TAFA2: variants seen among roughly 807,000 people sequenced by gnomAD.
TAFA2 encodes chemokine-like protein TAFA-2.
TAFA2 carries 7 observed loss-of-function variants against 18.8 expected under a neutral mutation model. The ratio of observed to expected loss-of-function variants is 0.37; its 90% CI spans 0.21 to 0.70. TAFA2 has a LOEUF of 0.70. Ranked by LOEUF, TAFA2 falls within the 30% of genes least tolerant of loss-of-function variation. The pLI, the probability that TAFA2 is intolerant of heterozygous loss-of-function variation, is 0.53. For synonymous variants in TAFA2, 60 were observed against 54.2 expected, an observed-to-expected ratio of 1.11 and a Z score of -0.47; for missense variants, 122 against 158.1, an observed-to-expected ratio of 0.77 and a Z score of 1.23.
chr12:62,188,681 A>G (rs1175296997), intron 1 of TAFA2, among the ~76,000 whole-genome samples: 2 of 152,202 alleles, frequency 1.3e-5, no homozygotes, highest in Non-Finnish European at 2.9e-5. Flanking sequence ...TTTAAAAATG[A>G]TCATCAAAAT....
At chr12:62,173,024 T>C (rs2062488969) in intron 1 of TAFA2, among the ~76,000 whole-genome samples, 2 of 152,148 alleles carry the variant, frequency 1.3e-5, no homozygotes, top group Non-Finnish European at 2.9e-5. Context: ...TGAACTAATA[T>C]ATTAAGGTTC....
intron 2 of TAFA2, among the ~76,000 whole-genome samples, chr12:61,787,083 C>T (rs551090771): frequency 8.6e-4 from 130 of 151,400 alleles, no homozygotes; most frequent in Admixed American, 1.3e-3. Context: ...TTAGATGAAA[C>T]AGCAGAACCC....
chr12:61,732,752 T>C (rs1354367500), intron 4 of TAFA2, among the ~76,000 whole-genome samples: 7 of 151,798 alleles, frequency 4.6e-5, no homozygotes, highest in Non-Finnish European at 8.8e-5. Flanking sequence ...TGTGTGTGTG[T>C]GTGCGTGCGT....
intron 2 of TAFA2, among the ~76,000 whole-genome samples, chr12:61,831,413 C>A (rs1326290684): frequency 1.3e-5 from 2 of 151,926 alleles, no homozygotes; most frequent in Non-Finnish European, 2.9e-5. Flanking sequence ...AAATAAAATC[C>A]TATATCTAAC....
intron 1 of TAFA2, among the ~76,000 whole-genome samples, chr12:61,973,821 T>C (rs980577531): frequency 4.0e-5 from 6 of 151,708 alleles, no homozygotes; most frequent in African/African-American, 1.4e-4. Context: ...ATTGTAATCC[T>C]TGGGGAAGTG....
rs1472187730 is a variant in TAFA2 at position 62,233,044 on chromosome 12, C to T, written c.-130+25719G>A. ...CCAATTGCAAGTCCTCACTATTTGTCCTCCCAGCAATTTCTGCATCTCTTT... is the reference window on the plus strand; with the variant it reads ...CCAATTGCAAGTCCTCACTATTTGTTCTCCCAGCAATTTCTGCATCTCTTT... On this transcript the variant is annotated intron_variant, in intron 1 of 5. Transcript: ENST00000551619. Among the ~76,000 whole-genome samples, 11 of 144,450 alleles carry T rather than the reference C, an allele frequency of 7.6e-5. No homozygotes were observed. In the Admixed American group the frequency reaches 7.6e-4, roughly 10 times the overall value. The allele number at this position is 144,450 out of a possible 152,430, so 94.8% of individuals were successfully genotyped here. A position where few individuals can be genotyped will look rare whatever the true frequency, so the allele number is the denominator to read the frequency against.
At chr12:62,011,264 C>G (rs773484256) in intron 1 of TAFA2, among the ~76,000 whole-genome samples, 12 of 152,030 alleles carry the variant, frequency 7.9e-5, no homozygotes, top group Non-Finnish European at 1.5e-4. Flanking sequence ...CAGTGACCAT[C>G]GAGAGCGGGC....
At chr12:62,238,219 T>C (rs556480569) in intron 1 of TAFA2, among the ~76,000 whole-genome samples, 1 of 152,256 alleles carries the variant, frequency 6.6e-6, no homozygotes, top group Admixed American at 6.5e-5. Context: ...GGTAGAAAAG[T>C]CCATTTCTCT....
chr12:62,006,397 T>C (rs1880551618), intron 1 of TAFA2, among the ~76,000 whole-genome samples: 5 of 152,162 alleles, frequency 3.3e-5, no homozygotes, highest in African/African-American at 9.7e-5. Context: ...AGCAGATGTA[T>C]CTAAAGATCC....
rs539523097 is a variant in TAFA2, at chr12:61,838,262, T to C, written c.106+29058A>G. Among the ~76,000 whole-genome samples the C allele has an allele frequency of 1.3e-4, 20 of 152,138 alleles. No homozygotes were observed. The South Asian group carries it at 3.5e-3, about 27-fold the overall frequency. ...GGGAATCCAGGCAGCATTTCAGTTCTTGTTCCAGTTGATCCAAGGCCTGGA... is the reference window on the plus strand; with the variant it reads ...GGGAATCCAGGCAGCATTTCAGTTCCTGTTCCAGTTGATCCAAGGCCTGGA... On this transcript the variant is annotated intron_variant, in intron 2 of 4. Transcript: ENST00000416284.
At chr12:62,094,811 A>G (rs1397583503) in intron 1 of TAFA2, among the ~76,000 whole-genome samples, 2 of 152,076 alleles carry the variant, frequency 1.3e-5, no homozygotes, top group Non-Finnish European at 2.9e-5. Flanking sequence ...CAGAACAGGA[A>G]CACAGGCAAT....
At chr12:62,006,095 CTT>C (rs1880540972) in intron 1 of TAFA2, among the ~76,000 whole-genome samples, 1 of 152,124 alleles carries the variant, frequency 6.6e-6, no homozygotes, top group South Asian at 2.1e-4. Context: ...TTCAATCTCT[CTT>C]AGATGATTTG....
chr12:62,213,400 T>G (rs1021874556), intron 1 of TAFA2, among the ~76,000 whole-genome samples: 7 of 152,068 alleles, frequency 4.6e-5, no homozygotes, highest in African/African-American at 1.7e-4. Flanking sequence ...ATCCCAGCAT[T>G]TTGGGAGGCC....
intron 1 of TAFA2, among the ~76,000 whole-genome samples, chr12:62,105,243 A>G (rs749443698): frequency 1.3e-4 from 20 of 152,220 alleles, no homozygotes; most frequent in Non-Finnish European, 2.5e-4. Flanking sequence ...TGGTTTCTAA[A>G]CCATTAAATC....
intron 1 of TAFA2, among the ~76,000 whole-genome samples, chr12:62,208,493 C>A (rs1565779675): frequency 1.3e-5 from 2 of 152,020 alleles, no homozygotes; most frequent in South Asian, 4.2e-4. Context: ...AAAAAAGGCT[C>A]TTTATAACAT....
upstream of TAFA2, among the ~76,000 whole-genome samples, chr12:62,195,688 A>G (rs2062645834): frequency 6.6e-6 from 1 of 152,242 alleles, no homozygotes; most frequent in Non-Finnish European, 1.5e-5. Context: ...TAGGCTTAAA[A>G]TATTTAATAA....
At chr12:61,762,924 TCACCTA>T (rs1010540131) in intron 2 of TAFA2, among the ~76,000 whole-genome samples, 9 of 152,010 alleles carry the variant, frequency 5.9e-5, no homozygotes, top group Non-Finnish European at 8.8e-5. Context: ...AAATAAAGCA[TCACCTA>T]CATGCACCAA....
chr12:61,743,894 T>A (rs1429362731), intron 4 of TAFA2, among the ~76,000 whole-genome samples: 1 of 152,110 alleles, frequency 6.6e-6, no homozygotes, highest in African/African-American at 2.4e-5. Flanking sequence ...AATAGGAGGT[T>A]TGCCACTCAC....
chr12:62,039,400 A>G (rs1881698278), intron 1 of TAFA2, among the ~76,000 whole-genome samples: 1 of 152,160 alleles, frequency 6.6e-6, no homozygotes, highest in African/African-American at 2.4e-5. Flanking sequence ...TACTTGTCCC[A>G]TTGGAGAGGA....
Sources: gnomAD v4.1 joint callset for allele counts (sites outside exome capture counted in the v4.1 genomes callset) on GRCh38, gnomAD v4.1.1 for gene constraint, MANE v1.5 for transcripts, NCBI Gene and HGNC (gene_info 2026-07-23, HGNC 2026-07-21) for gene names.